The following GRM8 variants were observed in gnomAD, a reference collection of about 807,000 sequenced individuals.
GRM8 encodes glutamate metabotropic receptor 8.
A neutral mutation model predicts 87.2 loss-of-function variants in GRM8; 47 were observed. That is an observed-to-expected ratio of 0.54 (90% CI 0.43 to 0.69). The LOEUF (loss-of-function observed/expected upper bound fraction) is 0.69. GRM8 is among the 30% of genes least tolerant of loss of function. GRM8 has a pLI of 0.00. For missense variants in GRM8, 1,019 were observed against 1,139.2 expected (o/e 0.89, Z 1.52); for synonymous variants, 396 against 404.5 (o/e 0.98, Z 0.25).
intron 6 of GRM8, among the ~76,000 whole-genome samples, chr7:126,834,903 G>A (rs941620222): frequency 6.6e-6 from 1 of 151,492 alleles, no homozygotes; most frequent in African/African-American, 2.4e-5. Context: ...TTTGAGACCC[G>A]GTCTCTGAAA....
chr7:126,770,868 G>T lies in GRM8; in HGVS notation c.1157-803C>A, dbSNP rs181365656. 1.4e-4 allele frequency among the ~76,000 whole-genome samples: 22 copies of T among 152,084 alleles called. 1 individual carries two copies. The highest frequency in any genetic ancestry group is 1.2e-3 in the Admixed American group (19 of 15,230). On this transcript the variant is annotated intron_variant, in intron 6 of 10. Coordinates refer to ENST00000339582, the MANE Select transcript of GRM8 (RefSeq NM_000845.3). ...CTCATGGAGATTATAATTACATGGG[G>T]TACATGGGGTACATAGGGCAGGTGT...
chr7:126,988,317 C>A (rs181034253), intron 3 of GRM8, among the ~76,000 whole-genome samples: 1 of 152,210 alleles, frequency 6.6e-6, no homozygotes, highest in East Asian at 1.9e-4. Flanking sequence ...CACCACTTTA[C>A]ATATTTCCAG....
intron 3 of GRM8, among the ~76,000 whole-genome samples, chr7:127,047,109 C>A (rs1425219681): frequency 6.6e-6 from 1 of 152,200 alleles, no homozygotes; most frequent in Non-Finnish European, 1.5e-5. Context: ...CTACAGCCTA[C>A]GCAACCTGTT....
intron 2 of GRM8, among the ~76,000 whole-genome samples, chr7:127,217,312 G>T (rs1156520726): frequency 6.6e-6 from 1 of 152,166 alleles, no homozygotes; most frequent in East Asian, 1.9e-4. Context: ...AAGGACACAG[G>T]CAGGGAAACT....
intron 7 of GRM8, among the ~76,000 whole-genome samples, chr7:126,673,800 G>C (rs1200248460): frequency 6.6e-6 from 1 of 152,182 alleles, no homozygotes; most frequent in East Asian, 1.9e-4. Flanking sequence ...TAAGGAGATA[G>C]TGGGAGAGGT....
intron 6 of GRM8, among the ~76,000 whole-genome samples, chr7:126,831,277 TTTTG>T (rs1433558315): frequency 1.3e-5 from 2 of 152,160 alleles, no homozygotes; most frequent in Non-Finnish European, 2.9e-5. Context: ...ACAGCTGTCT[TTTTG>T]TTTGTCTGTG....
intron 3 of GRM8, chr7:127,105,247 A>G (rs991101426): frequency 6.6e-6 from 1 of 152,210 alleles, no homozygotes; most frequent in Non-Finnish European, 1.5e-5. Context: ...TATAGCAGTA[A>G]TGATATAAAT....
intron 3 of GRM8, among the ~76,000 whole-genome samples, chr7:126,916,154 T>C (rs1380106977): frequency 3.3e-5 from 5 of 152,200 alleles, no homozygotes; most frequent in Non-Finnish European, 7.3e-5. Context: ...AAAGACAATA[T>C]TGAAATCAAA....
At chr7:126,612,262 C>T (rs1426426055) in intron 7 of GRM8, among the ~76,000 whole-genome samples, 3 of 152,084 alleles carry the variant, frequency 2.0e-5, no homozygotes, top group Admixed American at 6.6e-5. Flanking sequence ...ACTCAGTGAG[C>T]GTATAAGTTT....
intron 6 of GRM8, among the ~76,000 whole-genome samples, chr7:126,898,042 G>T (rs759172685): frequency 6.6e-6 from 1 of 152,076 alleles, no homozygotes; most frequent in Non-Finnish European, 1.5e-5. Context: ...AAATAATTAC[G>T]TTCGCAGATC....
intron 3 of GRM8, among the ~76,000 whole-genome samples, chr7:126,910,487 G>T (rs2131286634): frequency 6.6e-6 from 1 of 152,202 alleles, no homozygotes; most frequent in Non-Finnish European, 1.5e-5. Context: ...TGCTTTCAAA[G>T]ACTTCTCCAT....
intron 6 of GRM8, among the ~76,000 whole-genome samples, chr7:126,894,461 A>G (rs1801350482): frequency 6.6e-6 from 1 of 152,068 alleles, no homozygotes; most frequent in South Asian, 2.1e-4. Context: ...AGGATTTCCT[A>G]GACTCCTGAA....
At chr7:126,549,512 T>C (rs1014019162) in intron 8 of GRM8, among the ~76,000 whole-genome samples, 1 of 152,164 alleles carries the variant, frequency 6.6e-6, no homozygotes, top group African/African-American at 2.4e-5. Flanking sequence ...ACTTTTGACG[T>C]GACTTACTGA....
chr7:126,596,528 A>C (rs1797215906), intron 8 of GRM8, among the ~76,000 whole-genome samples: 1 of 152,098 alleles, frequency 6.6e-6, no homozygotes, highest in Admixed American at 6.6e-5. Context: ...GAAATGACAA[A>C]ATTATGTAAA....
chr7:126,492,704 A>G (rs1280894594), intron 9 of GRM8, among the ~76,000 whole-genome samples: 4 of 152,022 alleles, frequency 2.6e-5, no homozygotes, highest in African/African-American at 4.8e-5. Flanking sequence ...TATTTTTATT[A>G]TTTTGGAATC....
At chr7:127,092,612 C>A (rs1358489830) in intron 3 of GRM8, among the ~76,000 whole-genome samples, 1 of 152,162 alleles carries the variant, frequency 6.6e-6, no homozygotes, top group Non-Finnish European at 1.5e-5. Flanking sequence ...GAGGCTAAGG[C>A]ATGAGAATCA....
rs144747037 is a variant in GRM8 at position 126,887,015 on chromosome 7, C to T, written c.1156+15527G>A. ...AGACAAAGAAAACTCATTCAAGGGA[C>T]GTGGATAAGGGCCAGGTGGACTAAG... On this transcript the variant is annotated intron_variant, in intron 6 of 10. Transcript: ENST00000339582. 2.6e-4 allele frequency among the ~76,000 whole-genome samples: 40 copies of T among 151,988 alleles called. No individual in the cohort carries two copies. In the East Asian group the frequency reaches 4.3e-3, roughly 16 times the overall value.
At chr7:126,973,550 T>G (rs1231695471) in intron 3 of GRM8, among the ~76,000 whole-genome samples, 1 of 152,200 alleles carries the variant, frequency 6.6e-6, no homozygotes, top group African/African-American at 2.4e-5. Flanking sequence ...AAGTTTATTA[T>G]TGTTGTTAAT....
At chr7:126,643,308 AAAAAAAAAAAAATATATATATATATATAT>A (rs1563049732) in intron 7 of GRM8, among the ~76,000 whole-genome samples, 21 of 30,480 alleles carry the variant, frequency 6.9e-4, no homozygotes, top group African/African-American at 2.8e-3. Context: ...AAAAAAAAAA[AAAAAAAAAAAAATATATATATATATATAT>A]ATATATATAT....
Sources: allele counts gnomAD v4.1 joint callset (sites outside exome capture counted in the v4.1 genomes callset), GRCh38; gene constraint gnomAD v4.1.1; transcripts MANE v1.5; gene names NCBI Gene and HGNC (gene_info 2026-07-23, HGNC 2026-07-21).